The following MRC2 variants were observed in gnomAD, a reference collection of about 807,000 sequenced individuals.
MRC2 encodes the protein C-type mannose receptor 2.
Under a neutral mutation model 206.2 loss-of-function variants are expected in MRC2, and 84 were observed. The observed-to-expected ratio is 0.41, with a 90% CI of 0.34 to 0.49. The LOEUF is 0.49. Ranked by LOEUF, MRC2 falls within the 20% of genes least tolerant of loss-of-function variation. The pLI, the probability that MRC2 is intolerant of heterozygous loss-of-function variation, is 0.31. For synonymous variants in MRC2, 798 were observed against 800.0 expected (o/e 1.00, Z 0.04); for missense variants, 1,676 against 2,001.5 (o/e 0.84, Z 3.10).
rs2088566027 is a variant in MRC2 at position 62,652,391 on chromosome 17, G to T, written c.119-12157G>T. On this transcript the variant is annotated intron_variant, in intron 1 of 29. Transcript: ENST00000303375. This position sits in a 1 kb window ranked among gnomAD's most constrained non-coding sequence, Gnocchi z 4.6. ...CTGTCGGCGATGGGGTCCCCGCGAG[G>T]GCACAAGTGATCGCGTGGCCACGGC... 6.6e-6 allele frequency among the ~76,000 whole-genome samples: 1 copy of T among 152,270 alleles called. No individual in the cohort carries two copies. The highest frequency in any genetic ancestry group is 1.5e-5 in the Non-Finnish European group (1 of 68,052).
rs28471064 is a variant in MRC2, at chr17:62,677,555, G to T, written c.2052+69G>T. 1.8e-3 allele frequency: 2,491 copies of T among 1,373,936 alleles called. 17 individuals are homozygous for T. Among genetic ancestry groups the T allele is most frequent in the Middle Eastern group, 0.012 (44 of 3,816 alleles). The allele number at this position is 1,373,936 out of a possible 1,614,324, so 85.1% of individuals were successfully genotyped here. On this transcript the variant is annotated intron_variant, in intron 12 of 29. Coordinates refer to ENST00000303375, the MANE Select transcript of MRC2 (RefSeq NM_006039.5). ...GAGCAAAGAGACAGTTTGGATGGAG[G>T]TCCCAGTGGGACCAGCCACAATCCA...
chr17:62,661,035 G>A (rs886145403), intron 1 of MRC2, among the ~76,000 whole-genome samples: 3 of 152,170 alleles, frequency 2.0e-5, no homozygotes, highest in African/African-American at 7.2e-5. Context: ...CTCTAAAGAT[G>A]TTACCCTTTT....
At position 62,680,098 on chromosome 17, in the gene MRC2, A is replaced by T. The variant is rs2088943497; in HGVS notation, c.2299-72A>T. The stretch of plus-strand genomic sequence containing the variant: ...GCAGCTCAGGCCAGGCCTCTTGTTC[A>T]CCTGTTCCGGGCATGGGGGCGGCCT... On this transcript the variant is annotated intron_variant, in intron 14 of 29. Coordinates refer to ENST00000303375, the MANE Select transcript of MRC2 (RefSeq NM_006039.5). This position sits in a 1 kb window ranked among gnomAD's most constrained non-coding sequence, Gnocchi z 4.8. 6.3e-6 allele frequency: 10 copies of T among 1,597,504 alleles called. No homozygotes were observed. The South Asian group carries it at 1.1e-4, about 18-fold the overall frequency.
chr17:62,678,750 G>T (rs1431092776), intron 13 of MRC2, 104 bp downstream of exon 13: 13 of 1,509,138 alleles, frequency 8.6e-6, no homozygotes, highest in Non-Finnish European at 1.2e-5. Context: ...GGGGATGGCA[G>T]AATGTGGGTG....
chr17:62,677,482 A>G lies in MRC2; in HGVS notation c.2048A>G (p.Tyr683Cys), dbSNP rs1485458417. Reference protein sequence around the residue: ...WASDTKLRYCYKVFSSERLQD... With the variant: ...WASDTKLRYCCKVFSSERLQD... ...TCGGACACCAAACTCCGGTATTGCT[A>G]TAAGGTAGGGCAGCCTGTTGGCCGG... The change falls in exon 12 of 30, where the codon TAT becomes TGT. Residue 683 changes from tyrosine (Y) to cysteine (C), a missense_variant. Physicochemically the swap from Tyr to Cys is radical, Grantham distance 194. Around this residue, in one of 3 missense-constraint regions of MRC2, gnomAD observed 1,354 missense variants for 1,636.6 expected, o/e 0.83. Coordinates refer to ENST00000303375, the MANE Select transcript of MRC2 (RefSeq NM_006039.5). 1.9e-6 allele frequency: 3 copies of G among 1,598,132 alleles called. No individual in the cohort carries two copies. Among genetic ancestry groups the G allele is most frequent in the Non-Finnish European group, 2.6e-6 (3 of 1,169,532 alleles).
intron 12 of MRC2, 55 bp downstream of exon 12, chr17:62,677,541 C>G: frequency 6.8e-7 from 1 of 1,465,184 alleles, no homozygotes; most frequent in Non-Finnish European, 9.2e-7. Context: ...AGCAAAGAGA[C>G]AGTTTGGATG....
chr17:62,639,398 G>A (rs922250497), intron 1 of MRC2, among the ~76,000 whole-genome samples: 2 of 151,954 alleles, frequency 1.3e-5, no homozygotes, highest in African/African-American at 2.4e-5. Flanking sequence ...AAGGAAATTA[G>A]CTTTCTTTAA....
intron 1 of MRC2, among the ~76,000 whole-genome samples, chr17:62,638,584 A>G (rs976986654): frequency 6.6e-6 from 1 of 151,924 alleles, no homozygotes; most frequent in Non-Finnish European, 1.5e-5. Context: ...CCAAAAATAT[A>G]AAAATTAGCC....
At position 62,675,956 on chromosome 17, in the gene MRC2, T is replaced by C. The variant is rs755019526; in HGVS notation, c.1685+51T>C. The C allele has an allele frequency of 2.0e-6, 3 of 1,485,658 alleles. No homozygotes were observed. Among genetic ancestry groups the C allele is most frequent in the Admixed American group, 1.7e-5 (1 of 59,548 alleles). The allele number at this position is 1,485,658 out of a possible 1,614,324, so 92.0% of individuals were successfully genotyped here. The stretch of plus-strand genomic sequence containing the variant: ...TAGCCCTTGCCCATGTCTGGGCCTA[T>C]TGTGGTCCCTTCAGCAAACAGGGTA... On this transcript the variant is annotated intron_variant, in intron 10 of 29. Transcript: ENST00000303375. This position sits in a 1 kb window ranked among gnomAD's most constrained non-coding sequence, Gnocchi z 4.1.
intron 2 of MRC2, 99 bp from the exon 3 acceptor site, chr17:62,665,995 A>G: frequency 7.7e-7 from 1 of 1,301,800 alleles, no homozygotes; most frequent in Non-Finnish European, 1.0e-6. Context: ...GTGAACACCC[A>G]GCACTCTGGG....
chr17:62,681,747 G>A, intron 18 of MRC2, 90 bp from the exon 19 acceptor site: 1 of 1,019,604 alleles, frequency 9.8e-7, no homozygotes, highest in Non-Finnish European at 1.5e-6. Flanking sequence ...GCCCTTCCCT[G>A]CCCCCATTCC....
At position 62,669,592 on chromosome 17, in the gene MRC2, C is replaced by A. The variant is rs182702736; in HGVS notation, c.1118-2057C>A. Among the ~76,000 whole-genome samples, 1,092 of 152,158 alleles carry A rather than the reference C, an allele frequency of 7.2e-3. 8 individuals are homozygous for A. The highest frequency in any genetic ancestry group is 0.025 in the African/African-American group (1,031 of 41,498). On this transcript the variant is annotated intron_variant, in intron 6 of 29. Coordinates refer to ENST00000303375, the MANE Select transcript of MRC2 (RefSeq NM_006039.5). The stretch of plus-strand genomic sequence containing the variant: ...TCGCCCAGGCTGGAGTGCAGTGGCA[C>A]AATCTCCACTCACTGCAACCTCCGC...
rs569372444 is a variant in MRC2, at chr17:62,690,180, G to A, written c.3767G>A (p.Ser1256Asn). The stretch of plus-strand genomic sequence containing the variant: ...GGGCCCCCTCCTCCCCGAAGAATAA[G>A]CTACCATGGCAGCTGTCCCCAGGGA... ...SSGPPPPRRI[S>N]YHGSCPQGLA... Residue 1256 changes from serine (S) to asparagine (N), a missense_variant, in exon 26 of 30, where the codon AGC becomes AAC. Ser to Asn is a conservative substitution (Grantham distance 46). Around this residue, in one of 3 missense-constraint regions of MRC2, gnomAD observed 1,354 missense variants for 1,636.6 expected, o/e 0.83. Transcript: ENST00000303375. 1.6e-5 allele frequency: 25 copies of A among 1,608,982 alleles called. No homozygotes were observed. Among genetic ancestry groups the A allele is most frequent in the African/African-American group, 2.7e-5 (2 of 74,970 alleles).
At chr17:62,639,900 C>G (rs933976519) in intron 1 of MRC2, among the ~76,000 whole-genome samples, 4 of 151,834 alleles carry the variant, frequency 2.6e-5, no homozygotes, top group African/African-American at 7.3e-5. Context: ...GTTGCCCAGG[C>G]TGGAGTGCAA....
At chr17:62,632,426 T>C (rs1484811261) in intron 1 of MRC2, among the ~76,000 whole-genome samples, 1 of 152,004 alleles carries the variant, frequency 6.6e-6, no homozygotes, top group Non-Finnish European at 1.5e-5. Flanking sequence ...AGCCTCCCAC[T>C]CCTCCTGATT....
chr17:62,653,156 T>TA (rs1361518814), intron 1 of MRC2, among the ~76,000 whole-genome samples: 1 of 152,130 alleles, frequency 6.6e-6, no homozygotes, highest in East Asian at 1.9e-4. Flanking sequence ...CTGCTTGCTG[T>TA]AGCGCGGCCG....
intron 26 of MRC2, 146 bp downstream of exon 26, chr17:62,690,451 C>T (rs1286377306): frequency 1.5e-6 from 2 of 1,327,842 alleles, no homozygotes; most frequent in South Asian, 2.9e-5. Flanking sequence ...CATGTGGAGA[C>T]CATACATGAC....
At position 62,672,799 on chromosome 17, in the gene MRC2, C is replaced by G. The variant is rs1422216069; in HGVS notation, c.1461+647C>G. On this transcript the variant is annotated intron_variant, in intron 8 of 29. Coordinates refer to ENST00000303375, the MANE Select transcript of MRC2 (RefSeq NM_006039.5). The surrounding 1 kb of genome is among the most constrained non-coding windows in gnomAD (Gnocchi z 4.5). Reference sequence around the variant, plus strand: ...TTGAGGTGAGGAGTTCGAGACCAGCCTGGCCAACATGGTGAAACCCCATCT... The same window carrying G: ...TTGAGGTGAGGAGTTCGAGACCAGCGTGGCCAACATGGTGAAACCCCATCT... Among the ~76,000 whole-genome samples the G allele has an allele frequency of 6.6e-6, 1 of 152,144 alleles. No homozygotes were observed. Among genetic ancestry groups the G allele is most frequent in the African/African-American group, 2.4e-5 (1 of 41,428 alleles).
chr17:62,676,404 C>G lies in MRC2; in HGVS notation c.1707C>G (p.Ser569Arg). The G allele has an allele frequency of 1.2e-6, 2 of 1,614,076 alleles. No individual in the cohort carries two copies. The highest frequency in any genetic ancestry group is 1.7e-6 in the Non-Finnish European group (2 of 1,179,994). Residue 569 changes from serine (S) to arginine (R), a missense_variant, in exon 11 of 30, where the codon AGC becomes AGG. Around this residue, in one of 3 missense-constraint regions of MRC2, gnomAD observed 1,354 missense variants for 1,636.6 expected, o/e 0.83. Coordinates refer to ENST00000303375, the MANE Select transcript of MRC2 (RefSeq NM_006039.5). ...GAAGGTTCGAGCAGGCCTTCGTCAG[C>G]AGCCTCATCTACAACTGGGAGGGCG... ...ITNRFEQAFV[S>R]SLIYNWEGEY...
Sources: allele counts gnomAD v4.1 joint callset (sites outside exome capture counted in the v4.1 genomes callset), GRCh38; gene constraint gnomAD v4.1.1; regional missense constraint gnomAD v4.1.1; non-coding constraint Gnocchi (gnomAD v3.1); transcripts MANE v1.5; gene names NCBI Gene and HGNC (gene_info 2026-07-23, HGNC 2026-07-21).